Variants in SHROOM3 observed in about 807,000 individuals in gnomAD.
The protein encoded by SHROOM3 is shroom family member 3, also known as protein Shroom3.
In SHROOM3, 47 loss-of-function variants were observed where a neutral mutation model predicts 138.6. That is an observed-to-expected ratio of 0.34 (90% CI 0.27 to 0.43). The LOEUF is 0.43. Among genes scored for constraint, SHROOM3 ranks in the 20% least tolerant of loss-of-function variants. SHROOM3 has a pLI of 1.00. For missense variants in SHROOM3, 2,491 were observed against 2,596.5 expected (o/e 0.96, Z 0.88); for synonymous variants, 1,062 against 1,063.3 (o/e 1.00, Z 0.02).
intron 2 of SHROOM3, chr4:76,688,601 T>C (rs1221921728): frequency 1.0e-6 from 1 of 985,334 alleles, no homozygotes; most frequent in Admixed American, 6.1e-5. Flanking sequence ...AAAAAATTCC[T>C]ACCTCCGTTG....
intron 1 of SHROOM3, among the ~76,000 whole-genome samples, chr4:76,467,979 A>G (rs1026497920): frequency 2.0e-5 from 3 of 152,254 alleles, no homozygotes; most frequent in Non-Finnish European, 4.4e-5. Flanking sequence ...GTGGGACATA[A>G]GGAAATATAG....
chr4:76,593,362 A>T (rs1425470253), intron 2 of SHROOM3, among the ~76,000 whole-genome samples: 1 of 152,176 alleles, frequency 6.6e-6, no homozygotes, highest in Admixed American at 6.5e-5. Context: ...CCTACCAGAG[A>T]TCATGTAATT....
chr4:76,745,249 T>C (rs1721398803), intron 5 of SHROOM3, among the ~76,000 whole-genome samples: 1 of 152,216 alleles, frequency 6.6e-6, no homozygotes. Context: ...ATAGCCAACA[T>C]TTCTGCCTTA....
At position 76,740,169 on chromosome 4, in the gene SHROOM3, C is replaced by G; in HGVS notation, c.1996C>G (p.Gln666Glu). 6.2e-7 allele frequency: 1 copy of G among 1,613,938 alleles called. No individual in the cohort carries two copies. The highest frequency in any genetic ancestry group is 8.5e-7 in the Non-Finnish European group (1 of 1,180,026). Reference sequence around the variant, plus strand: ...GACCAAGTCAGCCTTCTCATCTCTCCAGAACATTCCTGAGAGTCTGAGAAG... The same window carrying G: ...GACCAAGTCAGCCTTCTCATCTCTCGAGAACATTCCTGAGAGTCTGAGAAG... The part of the protein sequence containing the change: ...GKTKSAFSSL[Q>E]NIPESLRRHS... The change falls in exon 5 of 11, where the codon CAG becomes GAG. Residue 666 changes from glutamine (Q) to glutamate (E), a missense_variant. Physicochemically the swap from Gln to Glu is conservative, Grantham distance 29 (BLOSUM62 2). This residue lies in a region of SHROOM3 where 1,733 missense variants were observed against 1,661.6 expected (regional missense o/e 1.04). Transcript: ENST00000296043. This position sits in a 1 kb window ranked among gnomAD's most constrained non-coding sequence, Gnocchi z 4.0.
At chr4:76,438,754 T>A (rs1730610960) in intron 1 of SHROOM3, among the ~76,000 whole-genome samples, 1 of 152,128 alleles carries the variant, frequency 6.6e-6, no homozygotes, top group Admixed American at 6.5e-5. Flanking sequence ...CTATTTTTTT[T>A]TTTTCATCTC....
intron 1 of SHROOM3, among the ~76,000 whole-genome samples, chr4:76,453,722 T>C (rs961526964): frequency 3.9e-5 from 6 of 152,226 alleles, no homozygotes; most frequent in Admixed American, 6.5e-5. Flanking sequence ...ATTTTTTAAA[T>C]TGGAATATTT....
At chr4:76,692,823 T>C (rs1370036421) in intron 2 of SHROOM3, among the ~76,000 whole-genome samples, 1 of 152,220 alleles carries the variant, frequency 6.6e-6, no homozygotes, top group African/African-American at 2.4e-5. Flanking sequence ...CAGAAGTCAG[T>C]GGTTGCCAGT....
intron 10 of SHROOM3, among the ~76,000 whole-genome samples, chr4:76,774,720 GTTTTTTTTTTT>G (rs71212453): frequency 4.5e-5 from 5 of 112,262 alleles, no homozygotes; most frequent in African/African-American, 1.6e-4. Context: ...TTTTTTTTTT[GTTTTTTTTTTT>G]TTTAAGGTAT....
At chr4:76,537,563 C>T (rs1334394552) in intron 1 of SHROOM3, among the ~76,000 whole-genome samples, 4 of 152,162 alleles carry the variant, frequency 2.6e-5, no homozygotes, top group African/African-American at 9.7e-5. Flanking sequence ...CTAAATAACC[C>T]AGGCAGGAGG....
chr4:76,469,523 C>A (rs1290008583), intron 1 of SHROOM3, among the ~76,000 whole-genome samples: 2 of 151,906 alleles, frequency 1.3e-5, no homozygotes, highest in Admixed American at 1.3e-4. Flanking sequence ...GTGGCGCAAT[C>A]TCAGCTCACT....
At chr4:76,751,624 A>C (rs1002399503) in intron 6 of SHROOM3, among the ~76,000 whole-genome samples, 2 of 152,202 alleles carry the variant, frequency 1.3e-5, no homozygotes, top group African/African-American at 4.8e-5. Context: ...AATTTCAAAC[A>C]TAAAAATTTA....
At chr4:76,526,096 G>A (rs938013486) in intron 1 of SHROOM3, among the ~76,000 whole-genome samples, 19 of 152,264 alleles carry the variant, frequency 1.2e-4, no homozygotes, top group South Asian at 1.0e-3. Context: ...GGCCAGGTGC[G>A]GTGGCTCATG....
At chr4:76,685,726 C>T (rs1375676717) in intron 2 of SHROOM3, among the ~76,000 whole-genome samples, 3 of 152,154 alleles carry the variant, frequency 2.0e-5, no homozygotes, top group Non-Finnish European at 4.4e-5. Context: ...CGCCTGTAAT[C>T]CCAGCATTTT....
intron 2 of SHROOM3, among the ~76,000 whole-genome samples, chr4:76,649,147 C>G (rs1735900086): frequency 6.6e-6 from 1 of 152,164 alleles, no homozygotes; most frequent in Non-Finnish European, 1.5e-5. Context: ...AATCCACCCC[C>G]AGCAACCATC....
chr4:76,480,719 C>G (rs1478361012), intron 1 of SHROOM3, among the ~76,000 whole-genome samples: 1 of 152,100 alleles, frequency 6.6e-6, no homozygotes, highest in Non-Finnish European at 1.5e-5. Flanking sequence ...CTAAAATTAC[C>G]TACATAATTG....
At chr4:76,569,843 C>G (rs1330557953) in intron 2 of SHROOM3, among the ~76,000 whole-genome samples, 3 of 152,108 alleles carry the variant, frequency 2.0e-5, no homozygotes, top group African/African-American at 7.2e-5. Context: ...GATGCCAACA[C>G]CCACTGAAAC....
intron 1 of SHROOM3, among the ~76,000 whole-genome samples, chr4:76,541,625 G>GCGCA (rs1553921698): frequency 2.7e-5 from 4 of 148,654 alleles, no homozygotes; most frequent in African/African-American, 7.4e-5. Context: ...ATATGTGGGC[G>GCGCA]CACACACACA....
intron 1 of SHROOM3, among the ~76,000 whole-genome samples, chr4:76,527,308 C>T (rs568667861): frequency 6.6e-6 from 1 of 152,280 alleles, no homozygotes; most frequent in East Asian, 1.9e-4. Flanking sequence ...TCAGGCTGGG[C>T]GCGGTGGCTC....
intron 1 of SHROOM3, among the ~76,000 whole-genome samples, chr4:76,501,268 T>C (rs1356901271): frequency 6.6e-6 from 1 of 152,254 alleles, no homozygotes; most frequent in Non-Finnish European, 1.5e-5. Flanking sequence ...TATCTTTTGA[T>C]GAAGAGATGT....
Sources: gnomAD v4.1 joint callset for allele counts (sites outside exome capture counted in the v4.1 genomes callset) on GRCh38, gnomAD v4.1.1 for gene constraint, gnomAD v4.1.1 regional missense constraint, Gnocchi (gnomAD v3.1) non-coding constraint, MANE v1.5 for transcripts, NCBI Gene and HGNC (gene_info 2026-07-23, HGNC 2026-07-21) for gene names.